Variants in CYP3A4 observed in about 807,000 individuals in gnomAD.
CYP3A4 encodes cytochrome P450 family 3 subfamily A member 4, also known as cytochrome P450 3A4.
A neutral mutation model predicts 54.9 loss-of-function variants in CYP3A4; 41 were observed. The ratio of observed to expected loss-of-function variants is 0.75; its 90% CI spans 0.58 to 0.97. The LOEUF (loss-of-function observed/expected upper bound fraction) is 0.97. CYP3A4 is among the 50% of genes least tolerant of loss of function. The pLI is 0.00. For synonymous variants in CYP3A4, 179 were observed against 205.2 expected (o/e 0.87, Z 1.09); for missense variants, 510 against 597.3 (o/e 0.85, Z 1.52).
intron 8 of CYP3A4, 77 bp downstream of exon 8, chr7:99,767,054 C>G: frequency 7.4e-7 from 1 of 1,342,700 alleles, no homozygotes; most frequent in Non-Finnish European, 1.0e-6. Context: ...ATACAGGTAA[C>G]TGCACTGATC....
intron 2 of CYP3A4, among the ~76,000 whole-genome samples, chr7:99,778,769 TGTATC>T (rs552726976): frequency 5.3e-4 from 81 of 152,344 alleles, no homozygotes; most frequent in Admixed American, 2.3e-3. Flanking sequence ...CAAACCTTCC[TGTATC>T]GACATTTCAG....
At chr7:99,775,958 A>T (rs1815760664) in intron 3 of CYP3A4, among the ~76,000 whole-genome samples, 1 of 152,242 alleles carries the variant, frequency 6.6e-6, no homozygotes, top group Non-Finnish European at 1.5e-5. Flanking sequence ...CGAAGGGCTA[A>T]CATCCAGAAT....
In CYP3A4 at chr7:99,766,413, C is replaced by T. The variant is rs748566178; in HGVS notation, c.829G>A (p.Asp277Asn). Residue 277 changes from aspartate (D) to asparagine (N), a missense_variant, in exon 9 of 13, where the codon GAC becomes AAC. Coordinates refer to ENST00000651514, the MANE Select transcript of CYP3A4 (RefSeq NM_017460.6). ...TCAGTTTCTTTTGAATTCTGAGAGT[C>T]AATCATCAGCTGAAGGAAATCCACT... ...HRVDFLQLMI[D>N]SQNSKETESH... 5.7e-5 allele frequency: 92 copies of T among 1,613,560 alleles called. No individual in the cohort carries two copies. The highest frequency in any genetic ancestry group is 7.5e-5 in the Non-Finnish European group (88 of 1,179,728).
At position 99,784,127 on chromosome 7, in the gene CYP3A4, C is replaced by T; in HGVS notation, c.-46G>A. The stretch of plus-strand genomic sequence containing the variant: ...TCTCTCCTCTGAGTCTTCCTTTCAG[C>T]TCTGTGTTGCTCTTTGCTGGGCTAT... On this transcript the variant is annotated 5_prime_UTR_variant, in exon 1 of 13. Transcript: ENST00000651514. 1 of 1,554,378 alleles carries T rather than the reference C, an allele frequency of 6.4e-7. No individual in the cohort carries two copies. Among genetic ancestry groups the T allele is most frequent in the Non-Finnish European group, 8.9e-7 (1 of 1,126,290 alleles).
At chr7:99,766,982 C>A (rs1815491053) in intron 8 of CYP3A4, 149 bp downstream of exon 8, 23 of 665,668 alleles carry the variant, frequency 3.5e-5, no homozygotes, top group Non-Finnish European at 5.5e-5. Flanking sequence ...TGCATTTCTA[C>A]CAAATGAATT....
chr7:99,772,546 A>C, intron 4 of CYP3A4, 44 bp downstream of exon 4: 1 of 1,607,960 alleles, frequency 6.2e-7, no homozygotes, highest in African/African-American at 1.3e-5. Context: ...TCAAAATATA[A>C]ATTTAATCAA....
intron 10 of CYP3A4, among the ~76,000 whole-genome samples, chr7:99,763,119 A>C (rs1158636353): frequency 1.3e-5 from 2 of 152,164 alleles, no homozygotes; most frequent in Non-Finnish European, 2.9e-5. Context: ...AGGTGTGGGG[A>C]GAGCTGAGTC....
At chr7:99,769,544 G>A in intron 6 of CYP3A4, 1 of 557,634 alleles carries the variant, frequency 1.8e-6, no homozygotes, top group Non-Finnish European at 3.2e-6. Context: ...TAATGGATAT[G>A]TAAACCCTGG....
intron 10 of CYP3A4, 118 bp from the exon 11 acceptor site, chr7:99,762,385 T>G: frequency 7.5e-7 from 1 of 1,337,818 alleles, no homozygotes; most frequent in Non-Finnish European, 1.0e-6. Flanking sequence ...TGGTAAAGGA[T>G]CGAAGCATTT....
chr7:99,771,807 A>G (rs1246949120), intron 4 of CYP3A4, among the ~76,000 whole-genome samples: 1 of 152,204 alleles, frequency 6.6e-6, no homozygotes, highest in Non-Finnish European at 1.5e-5. Flanking sequence ...AGAGATGCAA[A>G]GAAGTATGCC....
At chr7:99,769,317 G>A (rs1008720159) in intron 6 of CYP3A4, among the ~76,000 whole-genome samples, 6 of 151,954 alleles carry the variant, frequency 3.9e-5, no homozygotes, top group Non-Finnish European at 8.8e-5. Flanking sequence ...TTAATATTTA[G>A]TATTCTACTG....
At chr7:99,759,685 G>A (rs917200889) in intron 12 of CYP3A4, among the ~76,000 whole-genome samples, 1 of 152,096 alleles carries the variant, frequency 6.6e-6, no homozygotes, top group Non-Finnish European at 1.5e-5. Flanking sequence ...TGATTTAATG[G>A]CAAATTGTCA....
At chr7:99,779,844 C>T in intron 2 of CYP3A4, 148 bp downstream of exon 2, 3 of 721,980 alleles carry the variant, frequency 4.2e-6, no homozygotes, top group Non-Finnish European at 6.6e-6. Context: ...CTTGGGTAAA[C>T]ATTGCCATGT....
At chr7:99,776,307 C>A (rs1815770707) in intron 3 of CYP3A4, among the ~76,000 whole-genome samples, 1 of 152,156 alleles carries the variant, frequency 6.6e-6, no homozygotes, top group African/African-American at 2.4e-5. Context: ...GGATCTAGAA[C>A]TAGAAATACC....
chr7:99,772,283 G>C (rs1815655294), intron 4 of CYP3A4, among the ~76,000 whole-genome samples: 1 of 152,102 alleles, frequency 6.6e-6, no homozygotes, highest in Non-Finnish European at 1.5e-5. Context: ...TGATCATGCT[G>C]GTCATTGCAC....
At position 99,760,696 on chromosome 7, in the gene CYP3A4, G is replaced by A. The variant is rs544057978; in HGVS notation, c.1416+123C>T. On this transcript the variant is annotated intron_variant, in intron 12 of 12. Coordinates refer to ENST00000651514, the MANE Select transcript of CYP3A4 (RefSeq NM_017460.6). ...TTAAAGATCACAGATGGGCCTAATT[G>A]ATTCTTTGGCCCAGAGAACAAATTA... The A allele has an allele frequency of 3.9e-6, 5 of 1,296,590 alleles. No individual in the cohort carries two copies. In the African/African-American group the frequency reaches 6.0e-5, roughly 15 times the overall value. The allele number at this position is 1,296,590 out of a possible 1,614,324, so 80.3% of individuals were successfully genotyped here.
chr7:99,775,662 C>T (rs796676640), intron 3 of CYP3A4, among the ~76,000 whole-genome samples: 8 of 152,222 alleles, frequency 5.3e-5, no homozygotes, highest in African/African-American at 1.9e-4. Context: ...AAACTGGACC[C>T]CTTCCTTACA....
chr7:99,766,279 A>C, intron 9 of CYP3A4, 98 bp downstream of exon 9: 1 of 1,436,830 alleles, frequency 7.0e-7, no homozygotes, highest in African/African-American at 1.4e-5. Context: ...GCTATGTGGC[A>C]GAAATTCTCA....
At chr7:99,777,386 G>A (rs1459419500) in intron 3 of CYP3A4, among the ~76,000 whole-genome samples, 1 of 152,054 alleles carries the variant, frequency 6.6e-6, no homozygotes, top group Non-Finnish European at 1.5e-5. Flanking sequence ...CTTGACACCT[G>A]GTGACACATG....
Sources: allele counts gnomAD v4.1 joint callset (sites outside exome capture counted in the v4.1 genomes callset), GRCh38; gene constraint gnomAD v4.1.1; transcripts MANE v1.5; gene names NCBI Gene and HGNC (gene_info 2026-07-23, HGNC 2026-07-21).